DCAF5: variants seen among roughly 807,000 people sequenced by gnomAD.
The protein encoded by DCAF5 is DDB1 and CUL4 associated factor 5, also known as DDB1- and CUL4-associated factor 5.
DCAF5 carries 9 observed loss-of-function variants against 80.7 expected under a neutral mutation model. The observed-to-expected ratio is 0.11, with a 90% CI of 0.07 to 0.19. The LOEUF (loss-of-function observed/expected upper bound fraction) is 0.19. DCAF5 is among the 10% of genes least tolerant of loss of function. DCAF5 has a pLI of 1.00. For synonymous variants in DCAF5, 433 were observed against 461.9 expected (o/e 0.94, Z 0.80); for missense variants, 842 against 1,205.7 (o/e 0.70, Z 4.47).
At chr14:69,095,850 TCA>T (rs1331512845) in intron 5 of DCAF5, among the ~76,000 whole-genome samples, 22 of 152,208 alleles carry the variant, frequency 1.4e-4, no homozygotes, top group Admixed American at 1.4e-3. Context: ...ATGAATTTCC[TCA>T]TTGTTTCCAC....
chr14:69,092,040 A>G (rs1250716514), intron 5 of DCAF5, among the ~76,000 whole-genome samples, 153 bp from the exon 6 acceptor site: 1 of 152,240 alleles, frequency 6.6e-6, no homozygotes, highest in Non-Finnish European at 1.5e-5. Context: ...GAGGGTAGCA[A>G]CGCTTCCTTC....
At chr14:69,070,227 A>G (rs2038631167) in intron 7 of DCAF5, among the ~76,000 whole-genome samples, 2 of 152,334 alleles carry the variant, frequency 1.3e-5, no homozygotes, top group Admixed American at 1.3e-4. Context: ...ACAAGAATTC[A>G]GGGAAAGAGA....
At chr14:69,063,045 G>C (rs1427754248) in intron 7 of DCAF5, among the ~76,000 whole-genome samples, 2 of 152,168 alleles carry the variant, frequency 1.3e-5, no homozygotes, top group African/African-American at 4.8e-5. Context: ...GGAAATAATA[G>C]AGAGAATACT....
At chr14:69,129,197 A>G (rs1476400094) in intron 1 of DCAF5, among the ~76,000 whole-genome samples, 2 of 152,148 alleles carry the variant, frequency 1.3e-5, no homozygotes, top group East Asian at 3.9e-4. Flanking sequence ...TGACAGCCCA[A>G]TCCATGGGAG....
At chr14:69,153,171 C>A, upstream of DCAF5, 1 of 429,346 alleles carries the variant, frequency 2.3e-6, no homozygotes. Context: ...CCCTCTCCTT[C>A]CCCCCGAGGC....
chr14:69,061,700 T>TAC lies in DCAF5; in HGVS notation c.1074+682_1074+683dup, dbSNP rs1424449889. Among the ~76,000 whole-genome samples, 5 of 152,310 alleles carry TAC rather than the reference T, an allele frequency of 3.3e-5. No individual in the cohort carries two copies. In the East Asian group the frequency reaches 9.6e-4, roughly 29 times the overall value. On this transcript the variant is annotated intron_variant, in intron 8 of 8. Transcript: ENST00000341516. ...AGGATGGCAATTAATGCAAAGTACA[T>TAC]ACAAAGTAACTGAGGGCATAGTGGC...
chr14:69,105,943 A>ATCTATCTATCTATCTATC (rs1555374893), intron 5 of DCAF5, among the ~76,000 whole-genome samples: 20 of 74,200 alleles, frequency 2.7e-4, no homozygotes, highest in African/African-American at 6.8e-4. Context: ...ATATATATAT[A>ATCTATCTATCTATCTATC]TATCTCCTAT....
At chr14:69,059,311 TCTC>T (rs1208433123) in intron 8 of DCAF5, among the ~76,000 whole-genome samples, 2 of 152,060 alleles carry the variant, frequency 1.3e-5, no homozygotes, top group East Asian at 1.9e-4. Flanking sequence ...TAGGGACTCT[TCTC>T]CTAGCCAGGA....
intron 2 of DCAF5, among the ~76,000 whole-genome samples, chr14:69,119,568 T>G (rs1283271563): frequency 6.6e-6 from 1 of 151,134 alleles, no homozygotes; most frequent in Non-Finnish European, 1.5e-5. Flanking sequence ...AATAAAAAAA[T>G]TAGCCAACTG....
In DCAF5 at chr14:69,054,057, T is replaced by G. The variant is rs2037852520; in HGVS notation, c.2629A>C (p.Thr877Pro). The G allele has an allele frequency of 1.2e-6, 2 of 1,614,034 alleles. No homozygotes were observed. Among genetic ancestry groups the G allele is most frequent in the Middle Eastern group, 1.7e-4 (1 of 6,060 alleles). ...TDRDNSSLTG[T>P]LLHKDCCGSE... The stretch of plus-strand genomic sequence containing the variant: ...CCGCAACAATCTTTGTGTAGGAGTG[T>G]CCCTGTCAGGGACGAGTTATCACGG... Residue 877 changes from threonine to proline, a missense_variant, in exon 9 of 9, where the codon ACA (threonine) becomes CCA (proline). Coordinates refer to ENST00000341516, the MANE Select transcript of DCAF5 (RefSeq NM_003861.3).
At position 69,095,862 on chromosome 14, in the gene DCAF5, C is replaced by T. The variant is rs79628290; in HGVS notation, c.666-3975G>A. 1.3e-3 allele frequency among the ~76,000 whole-genome samples: 195 copies of T among 152,256 alleles called. 1 individual carries two copies. Among genetic ancestry groups the T allele is most frequent in the African/African-American group, 4.5e-3 (185 of 41,556 alleles). On this transcript the variant is annotated intron_variant, in intron 5 of 8. Coordinates refer to ENST00000341516, the MANE Select transcript of DCAF5 (RefSeq NM_003861.3). ...GGCATGAATTTCCTCATTGTTTCCA[C>T]GTGAAAGCTCTATAAGACCGGTGGA... is the stretch of plus-strand genomic sequence containing the variant.
intron 1 of DCAF5, among the ~76,000 whole-genome samples, chr14:69,148,638 T>C (rs891072240): frequency 1.2e-3 from 187 of 152,130 alleles, no homozygotes; most frequent in African/African-American, 4.2e-3. Context: ...GAGGTTGCAG[T>C]GAGCCGAGAT....
intron 1 of DCAF5, among the ~76,000 whole-genome samples, chr14:69,123,856 G>A (rs2040799205): frequency 6.6e-6 from 1 of 151,982 alleles, no homozygotes; most frequent in Non-Finnish European, 1.5e-5. Context: ...CCACCACCAC[G>A]CCCAGCTAAT....
At chr14:69,129,519 A>T (rs954502986) in intron 1 of DCAF5, among the ~76,000 whole-genome samples, 6 of 152,236 alleles carry the variant, frequency 3.9e-5, no homozygotes, top group Non-Finnish European at 8.8e-5. Flanking sequence ...AGCAAGGGAA[A>T]GTCAGTTCAG....
At chr14:69,073,513 C>T (rs2038780942) in intron 7 of DCAF5, among the ~76,000 whole-genome samples, 1 of 151,446 alleles carries the variant, frequency 6.6e-6, no homozygotes, top group South Asian at 2.1e-4. Context: ...GGGGGCTGGG[C>T]ACAGTGGCTC....
intron 5 of DCAF5, among the ~76,000 whole-genome samples, chr14:69,096,251 T>C (rs2139985422): frequency 6.6e-6 from 1 of 152,322 alleles, no homozygotes; most frequent in East Asian, 1.9e-4. Context: ...TTTGTTTTCC[T>C]AATGCACTCC....
intron 1 of DCAF5, among the ~76,000 whole-genome samples, chr14:69,129,415 A>G (rs2040972745): frequency 6.6e-6 from 1 of 152,190 alleles, no homozygotes; most frequent in Non-Finnish European, 1.5e-5. Flanking sequence ...ATTGAGGCAT[A>G]ATGTAAAACC....
rs2037743351 is a variant in DCAF5 at position 69,051,034 on chromosome 14, A to G, written c.*2823T>C. On this transcript the variant is annotated 3_prime_UTR_variant, in exon 9 of 9. Transcript: ENST00000341516. ...AGGCACCTTGACAGACAAACAAGAGACTCTCAGCTTATTAAATCAAGCATA... is the reference window on the plus strand; with the variant it reads ...AGGCACCTTGACAGACAAACAAGAGGCTCTCAGCTTATTAAATCAAGCATA... 6.6e-6 allele frequency: 1 copy of G among 152,488 alleles called. No homozygotes were observed. The highest frequency in any genetic ancestry group is 1.5e-5 in the Non-Finnish European group (1 of 68,024). The allele number at this position is 152,488 out of a possible 1,614,324, so 9.4% of individuals were successfully genotyped here.
At chr14:69,114,417 G>C (rs1305265899) in intron 5 of DCAF5, among the ~76,000 whole-genome samples, 1 of 152,124 alleles carries the variant, frequency 6.6e-6, no homozygotes, top group Non-Finnish European at 1.5e-5. Flanking sequence ...ATGAAAAAAG[G>C]CTCCAAAACA....
Sources: gnomAD v4.1 joint callset for allele counts (sites outside exome capture counted in the v4.1 genomes callset) on GRCh38, gnomAD v4.1.1 for gene constraint, MANE v1.5 for transcripts, NCBI Gene and HGNC (gene_info 2026-07-23, HGNC 2026-07-21) for gene names.